The following PARP8 variants were observed in gnomAD, a reference collection of about 807,000 sequenced individuals.
The protein encoded by PARP8 is protein mono-ADP-ribosyltransferase PARP8.
A neutral mutation model predicts 124.1 loss-of-function variants in PARP8; 51 were observed. The ratio of observed to expected loss-of-function variants is 0.41; its 90% confidence interval spans 0.33 to 0.52. PARP8 has a LOEUF of 0.52. Ranked by LOEUF, PARP8 falls within the 20% of genes least tolerant of loss-of-function variation. The pLI, the probability that PARP8 is intolerant of heterozygous loss-of-function variation, is 0.21. For synonymous variants in PARP8, 391 were observed against 361.5 expected, an observed-to-expected ratio of 1.08 and a Z score of -0.93; for missense variants, 860 against 1,018.9, an observed-to-expected ratio of 0.84 and a Z score of 2.12.
At chr5:50,826,656 G>A (rs1746382504) in intron 18 of PARP8, 99 bp from the exon 19 acceptor site, 5 of 1,402,942 alleles carry the variant, frequency 3.6e-6, no homozygotes, top group Non-Finnish European at 4.7e-6. Flanking sequence ...TTTAGTTTAT[G>A]GCACAGCAAA....
chr5:50,802,442 G>A (rs1036272106), intron 14 of PARP8, among the ~76,000 whole-genome samples: 1 of 151,908 alleles, frequency 6.6e-6, no homozygotes, highest in South Asian at 2.1e-4. Context: ...CATCACCCTC[G>A]CAAGTAACCA....
chr5:50,720,214 G>A (rs1235513459), intron 2 of PARP8, among the ~76,000 whole-genome samples: 1 of 151,992 alleles, frequency 6.6e-6, no homozygotes, highest in African/African-American at 2.4e-5. Context: ...GATCTAACTC[G>A]CGGCAGCAGT....
intron 2 of PARP8, among the ~76,000 whole-genome samples, chr5:50,693,766 A>C (rs1240176111): frequency 1.3e-5 from 2 of 151,608 alleles, no homozygotes; most frequent in East Asian, 1.9e-4. Context: ...TAATTAAGCT[A>C]TGTGGATTAA....
intron 9 of PARP8, among the ~76,000 whole-genome samples, chr5:50,785,798 A>G (rs1446608445): frequency 6.6e-6 from 1 of 152,164 alleles, no homozygotes; most frequent in Non-Finnish European, 1.5e-5. Flanking sequence ...GGCTTACAAT[A>G]TAGAGCATGT....
At chr5:50,719,834 C>G (rs1755695427) in intron 2 of PARP8, among the ~76,000 whole-genome samples, 1 of 151,836 alleles carries the variant, frequency 6.6e-6, no homozygotes. Flanking sequence ...GAAAGAATAC[C>G]CGTTGGTAAC....
rs773670011 is a variant in PARP8, at chr5:50,832,860, G to A, written c.2307+6G>A. 6.2e-7 allele frequency: 1 copy of A among 1,612,690 alleles called. No homozygotes were observed. Among genetic ancestry groups the A allele is most frequent in the Non-Finnish European group, 8.5e-7 (1 of 1,179,086 alleles). ...AAAGCAGCAATACATCACAGGTGTT[G>A]TAGTGACTTTAGTGACTGCTTATGA... On this transcript the variant is annotated splice_donor_region_variant and intron_variant, in intron 23 of 25. Transcript: ENST00000281631.
intron 3 of PARP8, among the ~76,000 whole-genome samples, chr5:50,757,852 C>G (rs1760131510): frequency 6.6e-6 from 1 of 152,100 alleles, no homozygotes; most frequent in African/African-American, 2.4e-5. Flanking sequence ...TGTAAAATTG[C>G]ATGATGCTAT....
At chr5:50,832,256 T>G (rs995719174) in intron 22 of PARP8, among the ~76,000 whole-genome samples, 1 of 152,156 alleles carries the variant, frequency 6.6e-6, no homozygotes, top group Non-Finnish European at 1.5e-5. Context: ...CTTTTCTAAA[T>G]TATTCACAGT....
At chr5:50,836,145 T>C (rs1747556697) in intron 25 of PARP8, among the ~76,000 whole-genome samples, 1 of 152,186 alleles carries the variant, frequency 6.6e-6, no homozygotes, top group Non-Finnish European at 1.5e-5. Flanking sequence ...ATTTGAAAAC[T>C]GTGATTGTTC....
Position 50,666,902 on chromosome 5 carries a change from C to CT in PARP8, c.-194_-193insT. The CT allele has an allele frequency of 5.4e-6, 7 of 1,293,880 alleles. No individual in the cohort carries two copies. The highest frequency in any genetic ancestry group is 6.8e-6 in the Non-Finnish European group (7 of 1,034,238). 80.1% of individuals were successfully genotyped at this position (1,293,880 alleles called of 1,614,324 possible). A position where few individuals can be genotyped will look rare whatever the true frequency, so the allele number is the denominator to read the frequency against. On this transcript the variant is annotated 5_prime_UTR_variant, in exon 1 of 26. The change creates a premature stop within an existing upstream ORF in the 5' untranslated region. Transcript: ENST00000281631. ...CATCTGGGAATGCAAAGCCGACCTCCCCCTCCTCCTCCTCCTCCCCCTCCT... is the reference window on the plus strand; with the variant it reads ...CATCTGGGAATGCAAAGCCGACCTCCTCCCTCCTCCTCCTCCTCCCCCTCCT...
In PARP8 at chr5:50,844,971, C is replaced by T. The variant is rs905456662; in HGVS notation, c.*2903C>T. ...TGTTGCTTAGTAAATCTCAGTCATA[C>T]GTTTGGTTTGAAGCTGTTTTTTTTT... On this transcript the variant is annotated 3_prime_UTR_variant, in exon 26 of 26. Transcript: ENST00000281631. The T allele has an allele frequency of 1.1e-4, 16 of 149,580 alleles. 1 individual carries two copies. Among genetic ancestry groups the T allele is most frequent in the African/African-American group, 3.4e-4 (14 of 40,646 alleles). 9.3% of individuals were successfully genotyped at this position (149,580 alleles called of 1,614,324 possible).
At chr5:50,681,432 TA>T (rs1446322027) in intron 2 of PARP8, among the ~76,000 whole-genome samples, 1 of 152,116 alleles carries the variant, frequency 6.6e-6, no homozygotes, top group African/African-American at 2.4e-5. Flanking sequence ...TTCTAAGCAT[TA>T]TTTTTTTTTA....
chr5:50,815,911 T>C (rs930771626), intron 15 of PARP8, among the ~76,000 whole-genome samples: 6 of 152,110 alleles, frequency 3.9e-5, no homozygotes, highest in African/African-American at 1.4e-4. Context: ...AGGCAGAGTA[T>C]GTAATAAAAA....
intron 12 of PARP8, among the ~76,000 whole-genome samples, chr5:50,795,781 C>T (rs1338974398): frequency 2.0e-5 from 3 of 152,216 alleles, no homozygotes; most frequent in Non-Finnish European, 4.4e-5. Context: ...CTGGTCTTCT[C>T]ACATGAGTGG....
chr5:50,837,877 G>T (rs1432115344), intron 25 of PARP8, among the ~76,000 whole-genome samples: 25 of 151,970 alleles, frequency 1.6e-4, no homozygotes, highest in Admixed American at 1.5e-3. Context: ...AAATATAAGT[G>T]CTCCAGGCAA....
At chr5:50,709,600 A>G (rs1464735759) in intron 2 of PARP8, among the ~76,000 whole-genome samples, 1 of 151,952 alleles carries the variant, frequency 6.6e-6, no homozygotes, top group African/African-American at 2.4e-5. Flanking sequence ...TTTTAATAAT[A>G]ATGTAAGCAC....
intron 2 of PARP8, among the ~76,000 whole-genome samples, chr5:50,725,157 T>C (rs558949046): frequency 8.0e-4 from 121 of 151,486 alleles, no homozygotes; most frequent in Non-Finnish European, 3.4e-4. Flanking sequence ...TGTGTATATA[T>C]ATATATATAA....
Position 50,797,153 on chromosome 5 carries a change from G to A in PARP8, c.1495G>A (p.Glu499Lys). ...GFLVQTIEFA[E>K]QRIPVLNEYC... ...TTTTATTCAGACAATTGAGTTTGCT[G>A]AACAGCGGATCCCTGTATTAAATGA... Residue 499 changes from glutamate to lysine, a missense_variant, in exon 14 of 26, where the codon GAA becomes AAA. Physicochemically the swap from Glu to Lys is moderately conservative, Grantham distance 56. Transcript: ENST00000281631. 1 of 1,613,238 alleles carries A rather than the reference G, an allele frequency of 6.2e-7. No homozygotes were observed. The highest frequency in any genetic ancestry group is 1.1e-5 in the South Asian group (1 of 90,926).
chr5:50,739,135 C>A (rs1049015603), intron 2 of PARP8: 9 of 697,428 alleles, frequency 1.3e-5, no homozygotes, highest in Middle Eastern at 2.4e-4. Flanking sequence ...CACCCTGAAC[C>A]AACAACCATT....
Sources: gnomAD v4.1 joint callset for allele counts (sites outside exome capture counted in the v4.1 genomes callset) on GRCh38, gnomAD v4.1.1 for gene constraint, MANE v1.5 for transcripts, NCBI Gene and HGNC (gene_info 2026-07-23, HGNC 2026-07-21) for gene names.